Variants in VRK2 observed in about 807,000 individuals in gnomAD.
The protein encoded by VRK2 is VRK serine/threonine kinase 2.
A neutral mutation model predicts 57.6 loss-of-function variants in VRK2; 60 were observed. That is an observed-to-expected ratio of 1.04 (90% confidence interval 0.85 to 1.29). VRK2 has a LOEUF of 1.29. Among genes scored for constraint, VRK2 ranks in the 50% most tolerant of loss-of-function variants. The pLI is 0.00. For synonymous variants in VRK2, 231 were observed against 199.2 expected, an observed-to-expected ratio of 1.16 and a Z score of -1.35; for missense variants, 705 against 588.1, an observed-to-expected ratio of 1.20 and a Z score of -2.06.
At chr2:58,144,580 C>T (rs1553425485) in intron 11 of VRK2, among the ~76,000 whole-genome samples, 2 of 151,888 alleles carry the variant, frequency 1.3e-5, no homozygotes, top group Non-Finnish European at 2.9e-5. Context: ...CACATTTTCA[C>T]AAGAATTGGT....
intron 12 of VRK2, chr2:58,147,158 T>TA (rs1682286170): frequency 1.9e-6 from 1 of 518,084 alleles, no homozygotes; most frequent in African/African-American, 1.9e-5. Context: ...GAAAAATTGA[T>TA]ATATCAGGCA....
At chr2:58,030,071 T>A (rs1674066536) in intron 2 of VRK2, among the ~76,000 whole-genome samples, 1 of 152,128 alleles carries the variant, frequency 6.6e-6, no homozygotes, top group African/African-American at 2.4e-5. Context: ...ATGATGCCTG[T>A]CCTTATCCTC....
At chr2:57,910,575 A>G (rs1669957291) in intron 1 of VRK2, among the ~76,000 whole-genome samples, 2 of 152,248 alleles carry the variant, frequency 1.3e-5, no homozygotes, top group African/African-American at 4.8e-5. Context: ...TAAATATTTG[A>G]CTTTTTTATC....
chr2:58,095,009 A>G (rs985305727), intron 7 of VRK2, among the ~76,000 whole-genome samples: 2 of 152,114 alleles, frequency 1.3e-5, no homozygotes, highest in Admixed American at 6.5e-5. Context: ...TAAAAGGAAT[A>G]CTTGTGCTGG....
chr2:58,132,438 G>A (rs972744812), intron 9 of VRK2, among the ~76,000 whole-genome samples: 1 of 152,130 alleles, frequency 6.6e-6, no homozygotes, highest in Non-Finnish European at 1.5e-5. Context: ...AGATAATCTT[G>A]TAGCCACATA....
intron 1 of VRK2, among the ~76,000 whole-genome samples, chr2:57,991,416 G>A (rs1039780177): frequency 2.0e-5 from 3 of 151,708 alleles, no homozygotes; most frequent in Non-Finnish European, 4.4e-5. Context: ...GCACTGTCGT[G>A]AAGAATCTGG....
chr2:58,126,240 G>A (rs1678325836), intron 8 of VRK2, among the ~76,000 whole-genome samples: 1 of 152,030 alleles, frequency 6.6e-6, no homozygotes, highest in Non-Finnish European at 1.5e-5. Context: ...GAGACCTGAA[G>A]AGAAATACTC....
intron 1 of VRK2, 167 bp downstream of exon 1, chr2:58,047,035 C>G (rs1674876618): frequency 1.1e-6 from 1 of 945,728 alleles, no homozygotes; most frequent in Non-Finnish European, 1.3e-6. Flanking sequence ...TCGCTGCTTC[C>G]GCGTTTGGTT....
chr2:58,014,760 C>T (rs1310275666), intron 1 of VRK2, among the ~76,000 whole-genome samples: 1 of 152,096 alleles, frequency 6.6e-6, no homozygotes, highest in Non-Finnish European at 1.5e-5. Context: ...TGAATGATAC[C>T]ACATTTTAGA....
At chr2:58,061,688 A>G (rs1677364818) in intron 2 of VRK2, among the ~76,000 whole-genome samples, 1 of 152,086 alleles carries the variant, frequency 6.6e-6, no homozygotes, top group African/African-American at 2.4e-5. Context: ...TTAGTAGAAC[A>G]AAGTGAAAAT....
chr2:57,938,547 T>C (rs890558413), intron 1 of VRK2, among the ~76,000 whole-genome samples: 1 of 152,218 alleles, frequency 6.6e-6, no homozygotes, highest in Non-Finnish European at 1.5e-5. Context: ...ACTTAATGCA[T>C]TATCAGATTG....
intron 1 of VRK2, among the ~76,000 whole-genome samples, chr2:57,980,905 A>G (rs1353440185): frequency 6.6e-6 from 1 of 151,496 alleles, no homozygotes; most frequent in Non-Finnish European, 1.5e-5. Context: ...CCATCTCTTC[A>G]CTTTGAGCCT....
At position 58,146,420 on chromosome 2, in the gene VRK2, G is replaced by C. The variant is rs757718898; in HGVS notation, c.1128G>C (p.Trp376Cys). Residue 376 changes from tryptophan to cysteine, a missense_variant, in exon 12 of 13, where the codon TGG becomes TGC. By Grantham distance (215) the Trp-to-Cys change is radical (BLOSUM62 -2). Coordinates refer to ENST00000340157, the MANE Select transcript of VRK2 (RefSeq NM_006296.7). Reference sequence around the variant, plus strand: ...GAAGCGCTGAGTCCTGTGCAACATGGAAAGTGCAGAAAGAGGAGAAACTGA... The same window carrying C: ...GAAGCGCTGAGTCCTGTGCAACATGCAAAGTGCAGAAAGAGGAGAAACTGA... ...SERSAESCAT[W>C]KVQKEEKLIG... 3 of 1,611,778 alleles carry C rather than the reference G, an allele frequency of 1.9e-6. No individual in the cohort carries two copies. Among genetic ancestry groups the C allele is most frequent in the Non-Finnish European group, 2.5e-6 (3 of 1,178,432 alleles).
intron 1 of VRK2, among the ~76,000 whole-genome samples, chr2:57,961,561 T>G (rs1182753856): frequency 6.6e-6 from 1 of 152,042 alleles, no homozygotes; most frequent in Non-Finnish European, 1.5e-5. Context: ...TACTGATCCT[T>G]GAAAACAAGG....
intron 12 of VRK2, chr2:58,154,837 C>T (rs891512738): frequency 4.3e-6 from 3 of 700,912 alleles, no homozygotes; most frequent in African/African-American, 3.5e-5. Context: ...CCTGCTAAAC[C>T]CTGTTTGTAC....
At chr2:58,089,950 G>A (rs1285442309) in intron 7 of VRK2, among the ~76,000 whole-genome samples, 1 of 152,154 alleles carries the variant, frequency 6.6e-6, no homozygotes, top group African/African-American at 2.4e-5. Context: ...TGGGCACACA[G>A]TTAAGAAGTG....
chr2:57,944,824 CT>C, intron 1 of VRK2, among the ~76,000 whole-genome samples: 1 of 151,750 alleles, frequency 6.6e-6, no homozygotes, highest in South Asian at 2.1e-4. Context: ...CCCTTGTTCC[CT>C]TTTTTTCAAG....
chr2:58,155,737 A>ACCTCCCCCCCCCCCCCCC (rs1683708249), intron 12 of VRK2, among the ~76,000 whole-genome samples: 1 of 114,536 alleles, frequency 8.7e-6, no homozygotes, highest in Non-Finnish European at 1.8e-5. Flanking sequence ...CACCCTTGCC[A>ACCTCCCCCCCCCCCCCCC]CCTCCCCACC....
At chr2:57,983,102 A>T (rs965677687) in intron 1 of VRK2, among the ~76,000 whole-genome samples, 3 of 151,950 alleles carry the variant, frequency 2.0e-5, no homozygotes, top group Middle Eastern at 6.3e-3. Context: ...TTTAGCCCAC[A>T]TTTGTGTCCT....
Sources: gnomAD v4.1 joint callset for allele counts (sites outside exome capture counted in the v4.1 genomes callset) on GRCh38, gnomAD v4.1.1 for gene constraint, MANE v1.5 for transcripts, NCBI Gene and HGNC (gene_info 2026-07-23, HGNC 2026-07-21) for gene names.